The following SKAP2 variants were observed in gnomAD, a reference collection of about 807,000 sequenced individuals.
The protein encoded by SKAP2 is src kinase-associated phosphoprotein 2.
In SKAP2, 28 loss-of-function variants were observed where a neutral mutation model predicts 54.9. The observed-to-expected ratio is 0.51, with a 90% CI of 0.38 to 0.70. The LOEUF (loss-of-function observed/expected upper bound fraction) is 0.70. Among genes scored for constraint, SKAP2 ranks in the 30% least tolerant of loss-of-function variants. The pLI is 0.00. For synonymous variants in SKAP2, 137 were observed against 134.3 expected, an observed-to-expected ratio of 1.02 and a Z score of -0.14; for missense variants, 356 against 424.1, an observed-to-expected ratio of 0.84 and a Z score of 1.41.
At chr7:26,674,314 A>C (rs1584323236) in intron 11 of SKAP2, among the ~76,000 whole-genome samples, 1 of 152,100 alleles carries the variant, frequency 6.6e-6, no homozygotes, top group Non-Finnish European at 1.5e-5. Context: ...CTTCATTGTG[A>C]TATCTTTATT....
chr7:26,745,119 TTA>T (rs141666583), intron 4 of SKAP2, among the ~76,000 whole-genome samples: 17,014 of 152,156 alleles, frequency 0.11, 1,273 homozygotes, highest in African/African-American at 0.21. Context: ...TAGTTGGCAT[TTA>T]TATAGTTTTC....
At chr7:26,833,104 A>G (rs772776060) in intron 4 of SKAP2, among the ~76,000 whole-genome samples, 8 of 152,112 alleles carry the variant, frequency 5.3e-5, no homozygotes, top group Non-Finnish European at 7.4e-5. Context: ...CCCCAGCACC[A>G]AAAAAGTATG....
chr7:26,845,141 C>A lies in SKAP2; in HGVS notation c.200-1004G>T, dbSNP rs193126250. Among the ~76,000 whole-genome samples, 20 of 152,230 alleles carry A rather than the reference C, an allele frequency of 1.3e-4. No individual in the cohort carries two copies. In the East Asian group the frequency reaches 3.5e-3, roughly 26 times the overall value. ...CACCTCAGGGATTACCCTTAAAGCA[C>A]AAGGAAAATCCCCATAGGAACCGCA... is the stretch of plus-strand genomic sequence containing the variant. On this transcript the variant is annotated intron_variant, in intron 3 of 12. Coordinates refer to ENST00000345317, the MANE Select transcript of SKAP2 (RefSeq NM_003930.5).
chr7:26,687,961 G>C (rs1786684988), intron 10 of SKAP2, among the ~76,000 whole-genome samples: 1 of 151,792 alleles, frequency 6.6e-6, no homozygotes, highest in Admixed American at 6.6e-5. Flanking sequence ...TATGTTTCTT[G>C]TCCTGAGAAG....
At chr7:26,741,119 A>G (rs1399300404) in intron 4 of SKAP2, among the ~76,000 whole-genome samples, 1 of 152,120 alleles carries the variant, frequency 6.6e-6, no homozygotes, top group African/African-American at 2.4e-5. Flanking sequence ...AACTTAGGAT[A>G]GAAAATGTGT....
At chr7:26,798,187 G>GA (rs1392974949) in intron 4 of SKAP2, among the ~76,000 whole-genome samples, 1 of 151,680 alleles carries the variant, frequency 6.6e-6, no homozygotes, top group African/African-American at 2.4e-5. Context: ...AAAACAGCAA[G>GA]AAAAAAGAAA....
intron 9 of SKAP2, among the ~76,000 whole-genome samples, chr7:26,694,727 CAA>C (rs1338729346): frequency 6.6e-6 from 1 of 151,528 alleles, no homozygotes; most frequent in Non-Finnish European, 1.5e-5. Flanking sequence ...CTGAGTTAAG[CAA>C]AGAGAGGAAG....
intron 9 of SKAP2, among the ~76,000 whole-genome samples, chr7:26,691,524 A>G (rs776592729): frequency 1.3e-5 from 2 of 152,234 alleles, no homozygotes; most frequent in Non-Finnish European, 2.9e-5. Flanking sequence ...TCTTCATTGG[A>G]TATTAACTAA....
At chr7:26,796,253 T>C (rs1379883307) in intron 4 of SKAP2, among the ~76,000 whole-genome samples, 1 of 152,246 alleles carries the variant, frequency 6.6e-6, no homozygotes, top group East Asian at 1.9e-4. Flanking sequence ...TATCCTGTCC[T>C]TTGGTAATAA....
chr7:26,841,674 A>G lies in SKAP2; in HGVS notation c.307+2356T>C, dbSNP rs182364513. On this transcript the variant is annotated intron_variant, in intron 4 of 12. Coordinates refer to ENST00000345317, the MANE Select transcript of SKAP2 (RefSeq NM_003930.5). Reference sequence around the variant, plus strand: ...GAGTGAACTTTTGAACCAGAGGAATAGAGAAAAATAAATATTAAAGCAAAA... The same window carrying G: ...GAGTGAACTTTTGAACCAGAGGAATGGAGAAAAATAAATATTAAAGCAAAA... 3.3e-5 allele frequency among the ~76,000 whole-genome samples: 5 copies of G among 152,230 alleles called. No homozygotes were observed. In the East Asian group the frequency reaches 9.6e-4, roughly 29 times the overall value.
chr7:26,816,161 C>T (rs997081149), intron 4 of SKAP2, among the ~76,000 whole-genome samples: 3 of 152,008 alleles, frequency 2.0e-5, no homozygotes, highest in African/African-American at 7.2e-5. Flanking sequence ...CCACTTTGTG[C>T]TATATAAAGA....
At chr7:26,678,661 G>A (rs559268617) in intron 11 of SKAP2, among the ~76,000 whole-genome samples, 2 of 151,872 alleles carry the variant, frequency 1.3e-5, no homozygotes, top group Admixed American at 6.6e-5. Context: ...GGTTGGTCTC[G>A]AACTCCTGAC....
intron 11 of SKAP2, among the ~76,000 whole-genome samples, chr7:26,680,343 T>C (rs1457368940): frequency 6.6e-6 from 1 of 152,204 alleles, no homozygotes; most frequent in Non-Finnish European, 1.5e-5. Context: ...AAAAACATGG[T>C]TCTAGGAAAA....
intron 11 of SKAP2, among the ~76,000 whole-genome samples, chr7:26,675,278 C>A (rs990973065): frequency 4.0e-4 from 61 of 152,178 alleles, no homozygotes; most frequent in Non-Finnish European, 5.0e-4. Context: ...ATACAACCTG[C>A]CGCACTACAC....
At chr7:26,743,328 A>C (rs2127963227) in intron 4 of SKAP2, among the ~76,000 whole-genome samples, 1 of 152,340 alleles carries the variant, frequency 6.6e-6, no homozygotes, top group South Asian at 2.1e-4. Context: ...TACTAGTTCA[A>C]GTGAATGGAT....
intron 4 of SKAP2, among the ~76,000 whole-genome samples, chr7:26,829,301 G>A (rs889814628): frequency 9.9e-5 from 15 of 152,250 alleles, no homozygotes; most frequent in Middle Eastern, 3.4e-3. Context: ...AGGAAGCCAA[G>A]GTGAAAGGAT....
At chr7:26,753,410 T>G (rs1345472108) in intron 4 of SKAP2, among the ~76,000 whole-genome samples, 2 of 152,186 alleles carry the variant, frequency 1.3e-5, no homozygotes, top group East Asian at 3.8e-4. Flanking sequence ...AACCTTGTTT[T>G]GTGTACAGGA....
Position 26,668,822 on chromosome 7 carries a change from C to T in SKAP2, c.*844G>A, listed in dbSNP as rs1207977387. On this transcript the variant is annotated 3_prime_UTR_variant, in exon 13 of 13. Coordinates refer to ENST00000345317, the MANE Select transcript of SKAP2 (RefSeq NM_003930.5). ...CTGGGACTGCAGGTGAACATTACCA[C>T]ACTTGGCTAATTTTTAGTAGAGACA... 2 of 152,018 alleles carry T rather than the reference C, an allele frequency of 1.3e-5. No individual in the cohort carries two copies. The highest frequency in any genetic ancestry group is 2.9e-5 in the Non-Finnish European group (2 of 67,998). The allele number at this position is 152,018 out of a possible 1,614,324, so 9.4% of individuals were successfully genotyped here. A position where few individuals can be genotyped will look rare whatever the true frequency, so the allele number is the denominator to read the frequency against.
Position 26,864,568 on chromosome 7 carries a change from C to A in SKAP2, c.-139G>T. On this transcript the variant is annotated 5_prime_UTR_variant, in exon 1 of 13. Coordinates refer to ENST00000345317, the MANE Select transcript of SKAP2 (RefSeq NM_003930.5). ...GGCTACGAGTCGGGACACTGCCGGG[C>A]CGGGGCTCACAACAAGGAAGTCACT... 7.0e-7 allele frequency: 1 copy of A among 1,423,086 alleles called. No homozygotes were observed. The highest frequency in any genetic ancestry group is 1.5e-5 in the African/African-American group (1 of 68,272). The allele number at this position is 1,423,086 out of a possible 1,614,324, so 88.2% of individuals were successfully genotyped here.
Sources: allele counts gnomAD v4.1 joint callset (sites outside exome capture counted in the v4.1 genomes callset), GRCh38; gene constraint gnomAD v4.1.1; transcripts MANE v1.5; gene names NCBI Gene and HGNC (gene_info 2026-07-23, HGNC 2026-07-21).